The following PTPRT variants were observed in gnomAD, a reference collection of about 807,000 sequenced individuals.
PTPRT encodes receptor-type tyrosine-protein phosphatase T.
Under a neutral mutation model 176.8 loss-of-function variants are expected in PTPRT, and 56 were observed. The observed-to-expected ratio is 0.32, with a 90% CI of 0.26 to 0.40. PTPRT has a LOEUF of 0.40. Ranked by LOEUF, PTPRT falls within the 10% of genes least tolerant of loss-of-function variation. The pLI is 1.00. For missense variants in PTPRT, 1,540 were observed against 1,908.2 expected, an observed-to-expected ratio of 0.81 and a Z score of 3.60; for synonymous variants, 783 against 739.0, an observed-to-expected ratio of 1.06 and a Z score of -0.96.
At chr20:42,915,439 G>T (rs6016920) in intron 1 of PTPRT, among the ~76,000 whole-genome samples, 4 of 152,274 alleles carry the variant, frequency 2.6e-5, no homozygotes, top group African/African-American at 9.6e-5. Context: ...CTCCTGGACC[G>T]GGAAAGACTG....
chr20:42,795,904 T>C (rs79450410), intron 2 of PTPRT, among the ~76,000 whole-genome samples: 16,370 of 152,306 alleles, frequency 0.11, 974 homozygotes, highest in South Asian at 0.2. Flanking sequence ...TAAATGCTAA[T>C]TTTATAACAG....
intron 7 of PTPRT, among the ~76,000 whole-genome samples, chr20:42,605,656 T>G (rs1274694312): frequency 6.6e-6 from 1 of 152,178 alleles, no homozygotes; most frequent in Non-Finnish European, 1.5e-5. Context: ...TTTCAGAAAC[T>G]GGCATAAAAA....
At chr20:42,181,415 G>C (rs375870535) in intron 16 of PTPRT, among the ~76,000 whole-genome samples, 1 of 152,112 alleles carries the variant, frequency 6.6e-6, no homozygotes, top group African/African-American at 2.4e-5. Flanking sequence ...TAGAACTGAT[G>C]ACTAGGACAA....
chr20:42,850,991 C>T (rs141216590), intron 2 of PTPRT, among the ~76,000 whole-genome samples: 228 of 152,276 alleles, frequency 1.5e-3, no homozygotes, highest in Non-Finnish European at 2.4e-3. Context: ...GTAGCTGGCT[C>T]GTTGCTAAGT....
In PTPRT at chr20:42,767,586, T is replaced by C. The variant is rs531859937; in HGVS notation, c.684+3849A>G. Among the ~76,000 whole-genome samples, 3 of 151,496 alleles carry C rather than the reference T, an allele frequency of 2.0e-5. No individual in the cohort carries two copies. In the South Asian group the frequency reaches 6.3e-4, roughly 32 times the overall value. On this transcript the variant is annotated intron_variant, in intron 5 of 30. Transcript: ENST00000373187. ...ATATATGGAAGGAAAAGACTTACTA[T>C]GGATGGAAGTGTTTACATCTATAAG...
chr20:42,580,069 T>G (rs1354128534), intron 7 of PTPRT, among the ~76,000 whole-genome samples: 2 of 152,228 alleles, frequency 1.3e-5, no homozygotes, highest in Non-Finnish European at 2.9e-5. Flanking sequence ...CCATCTTGAA[T>G]TAATTTTTCT....
chr20:42,698,191 C>T (rs1320044045), intron 6 of PTPRT, among the ~76,000 whole-genome samples: 3 of 152,148 alleles, frequency 2.0e-5, no homozygotes, highest in African/African-American at 7.2e-5. Flanking sequence ...CTAGTGTGTA[C>T]TCAAGATTGA....
rs561773988 is a variant in PTPRT, at chr20:43,050,155, T to C, written c.88+139491A>G. Among the ~76,000 whole-genome samples, 9 of 152,308 alleles carry C rather than the reference T, an allele frequency of 5.9e-5. No individual in the cohort carries two copies. The South Asian group carries it at 1.7e-3, about 28-fold the overall frequency. On this transcript the variant is annotated intron_variant, in intron 1 of 30. Transcript: ENST00000373187. ...ACCAAGGAAGGGAACATGCAGCTTG[T>C]AGCAAGGCTGGTTCATTCAGCACTC... is the stretch of plus-strand genomic sequence containing the variant.
chr20:42,610,241 T>C (rs62203820), intron 7 of PTPRT, among the ~76,000 whole-genome samples: 16,990 of 152,224 alleles, frequency 0.11, 2,350 homozygotes, highest in African/African-American at 0.33. Flanking sequence ...CTCCCAGATT[T>C]TCTGCAATAC....
At chr20:42,336,276 A>C (rs2058038308) in intron 11 of PTPRT, among the ~76,000 whole-genome samples, 2 of 152,352 alleles carry the variant, frequency 1.3e-5, no homozygotes, top group South Asian at 4.1e-4. Context: ...GGATGATTTA[A>C]GACAGACAAG....
chr20:42,992,432 A>G (rs6065560), intron 1 of PTPRT, among the ~76,000 whole-genome samples: 32,148 of 152,242 alleles, frequency 0.21, 3,574 homozygotes, highest in Non-Finnish European at 0.24. Context: ...TGCTCAGTCT[A>G]TTGGGCCAGT....
At chr20:42,986,220 G>GATTT (rs1983568997) in intron 1 of PTPRT, among the ~76,000 whole-genome samples, 2 of 152,152 alleles carry the variant, frequency 1.3e-5, no homozygotes, top group South Asian at 4.1e-4. Context: ...AAATGGGAGC[G>GATTT]GCCTCAAGCC....
chr20:42,500,534 T>G (rs183105091), intron 7 of PTPRT, among the ~76,000 whole-genome samples: 3 of 152,228 alleles, frequency 2.0e-5, no homozygotes, highest in Admixed American at 2.0e-4. Flanking sequence ...GTGACTAGTA[T>G]AACATTGTTT....
Position 42,076,757 on chromosome 20 carries a change from A to G in PTPRT, c.*4122T>C, listed in dbSNP as rs73119820. Reference sequence around the variant, plus strand: ...ACATTTTTTTTTGAAATATTCATAGAGTCATATTAAAACCAACAAGGCTAA... The same window carrying G: ...ACATTTTTTTTTGAAATATTCATAGGGTCATATTAAAACCAACAAGGCTAA... On this transcript the variant is annotated 3_prime_UTR_variant, in exon 31 of 31. Coordinates refer to ENST00000373187, the MANE Select transcript of PTPRT (RefSeq NM_007050.6). 0.039 allele frequency: 7,967 copies of G among 201,812 alleles called. 253 individuals are homozygous for G. Among genetic ancestry groups the G allele is most frequent in the Middle Eastern group, 0.062 (39 of 624 alleles). 12.5% of individuals were successfully genotyped at this position (201,812 alleles called of 1,614,324 possible).
chr20:42,663,835 T>A (rs1261901431), intron 7 of PTPRT, among the ~76,000 whole-genome samples: 4 of 152,310 alleles, frequency 2.6e-5, no homozygotes, highest in Non-Finnish European at 5.9e-5. Flanking sequence ...AATTCCACTG[T>A]GTGTGTGCAC....
chr20:42,223,956 A>T (rs1261403254), intron 15 of PTPRT, among the ~76,000 whole-genome samples: 1 of 152,222 alleles, frequency 6.6e-6, no homozygotes, highest in East Asian at 1.9e-4. Flanking sequence ...TACAAAAATC[A>T]AGTCTTTCAT....
intron 13 of PTPRT, among the ~76,000 whole-genome samples, chr20:42,258,739 G>A (rs981913764): frequency 6.6e-6 from 1 of 152,076 alleles, no homozygotes; most frequent in African/African-American, 2.4e-5. Flanking sequence ...TGTTTCTCAA[G>A]TAATAAATAA....
At chr20:43,046,029 A>G (rs1986823556) in intron 1 of PTPRT, among the ~76,000 whole-genome samples, 1 of 152,176 alleles carries the variant, frequency 6.6e-6, no homozygotes, top group Admixed American at 6.5e-5. Context: ...GGGCTAACAC[A>G]GGGGAGGGAT....
intron 13 of PTPRT, among the ~76,000 whole-genome samples, chr20:42,268,969 G>A (rs2056885177): frequency 6.6e-6 from 1 of 152,142 alleles, no homozygotes; most frequent in African/African-American, 2.4e-5. Flanking sequence ...TTCCCCAGGA[G>A]GTCATGCATT....
Sources: allele counts gnomAD v4.1 joint callset (sites outside exome capture counted in the v4.1 genomes callset), GRCh38; gene constraint gnomAD v4.1.1; transcripts MANE v1.5; gene names NCBI Gene and HGNC (gene_info 2026-07-23, HGNC 2026-07-21).